Variants in LINGO2 observed in about 807,000 individuals in gnomAD.
LINGO2 encodes leucine-rich repeat and immunoglobulin-like domain-containing nogo receptor-interacting protein 2.
A neutral mutation model predicts 30.6 loss-of-function variants in LINGO2; 14 were observed. The ratio of observed to expected loss-of-function variants is 0.46; its 90% CI spans 0.30 to 0.72. The LOEUF is 0.72. LINGO2 is among the 30% of genes least tolerant of loss of function. The pLI, the probability that LINGO2 is intolerant of heterozygous loss-of-function variation, is 0.07. For missense variants in LINGO2, 729 were observed against 751.7 expected, an observed-to-expected ratio of 0.97 and a Z score of 0.35; for synonymous variants, 317 against 288.5, an observed-to-expected ratio of 1.10 and a Z score of -1.00.
chr9:28,204,703 G>C (rs1376046113), intron 4 of LINGO2, among the ~76,000 whole-genome samples: 1 of 152,112 alleles, frequency 6.6e-6, no homozygotes, highest in Non-Finnish European at 1.5e-5. Flanking sequence ...AGAAGAATTT[G>C]TGTTTTTAAT....
chr9:28,361,987 G>C (rs1431746239), intron 3 of LINGO2, among the ~76,000 whole-genome samples: 2 of 152,072 alleles, frequency 1.3e-5, no homozygotes, highest in Non-Finnish European at 2.9e-5. Context: ...CACCACATAG[G>C]CCATTGTTTC....
At chr9:28,031,602 A>C (rs1823674954) in intron 4 of LINGO2, among the ~76,000 whole-genome samples, 1 of 152,160 alleles carries the variant, frequency 6.6e-6, no homozygotes, top group Non-Finnish European at 1.5e-5. Flanking sequence ...CTCATCTTTA[A>C]AGTGGGGACA....
At chr9:28,497,683 T>C (rs138750927) in intron 1 of LINGO2, among the ~76,000 whole-genome samples, 4,149 of 152,300 alleles carry the variant, frequency 0.027, 196 homozygotes, top group African/African-American at 0.094. Context: ...TCCATCCAGC[T>C]TTGTTCCGTT....
chr9:28,184,360 T>C (rs1391094473), intron 4 of LINGO2, among the ~76,000 whole-genome samples: 2 of 152,214 alleles, frequency 1.3e-5, no homozygotes, highest in Non-Finnish European at 2.9e-5. Flanking sequence ...CAAGTGATAC[T>C]ATGAGGCACA....
chr9:28,621,249 A>G (rs1239875121), intron 1 of LINGO2, among the ~76,000 whole-genome samples: 1 of 152,082 alleles, frequency 6.6e-6, no homozygotes, highest in Non-Finnish European at 1.5e-5. Context: ...GATGATTACC[A>G]CTAACTATAA....
intron 4 of LINGO2, among the ~76,000 whole-genome samples, chr9:28,228,076 T>C (rs1448132018): frequency 3.3e-5 from 5 of 152,058 alleles, no homozygotes; most frequent in African/African-American, 1.2e-4. Flanking sequence ...AATGATTCCA[T>C]CTAATTACAA....
chr9:28,172,365 T>C (rs1161625028), intron 4 of LINGO2, among the ~76,000 whole-genome samples: 1 of 146,978 alleles, frequency 6.8e-6, no homozygotes, highest in East Asian at 2.0e-4. Flanking sequence ...CACTCCAGCC[T>C]GGGCGACAGA....
intron 2 of LINGO2, among the ~76,000 whole-genome samples, chr9:28,422,975 T>C (rs924215097): frequency 1.3e-5 from 2 of 151,934 alleles, no homozygotes; most frequent in Non-Finnish European, 2.9e-5. Flanking sequence ...CCTAGAATAG[T>C]CAAAATCATA....
At chr9:28,200,180 T>A (rs978960692) in intron 4 of LINGO2, among the ~76,000 whole-genome samples, 2 of 152,188 alleles carry the variant, frequency 1.3e-5, no homozygotes, top group Non-Finnish European at 2.9e-5. Context: ...TTTAAGCTAA[T>A]GCAGTTCCTG....
the LINGO2 span, among the ~76,000 whole-genome samples, chr9:29,165,473 T>C: frequency 6.6e-6 from 1 of 152,060 alleles, no homozygotes; most frequent in Non-Finnish European, 1.5e-5. Flanking sequence ...ATACTGAACA[T>C]AATTTAATGA....
At chr9:28,315,779 T>C (rs1207036320) in intron 3 of LINGO2, among the ~76,000 whole-genome samples, 3 of 152,206 alleles carry the variant, frequency 2.0e-5, no homozygotes, top group African/African-American at 4.8e-5. Context: ...TCAAATTTTA[T>C]CGTTTTCTAA....
In LINGO2 at chr9:28,561,530, T is replaced by C. The variant is rs188904156; in HGVS notation, c.-364-85505A>G. Among the ~76,000 whole-genome samples, 169 of 148,130 alleles carry C rather than the reference T, an allele frequency of 1.1e-3. 1 individual carries two copies. Among genetic ancestry groups the C allele is most frequent in the African/African-American group, 3.8e-3 (153 of 40,724 alleles). ...ATTTATTTTAAATATTTTATATCTA[T>C]GCTACTTATACATCAGTAATTGGTT... On this transcript the variant is annotated intron_variant, in intron 1 of 5. Transcript: ENST00000379992.
intron 1 of LINGO2, among the ~76,000 whole-genome samples, chr9:28,487,684 A>AT (rs1193544154): frequency 3.3e-5 from 5 of 152,206 alleles, no homozygotes; most frequent in African/African-American, 4.8e-5. Flanking sequence ...ATAAATCTTG[A>AT]TTTTTTCTGC....
chr9:29,164,182 T>C, the LINGO2 span, among the ~76,000 whole-genome samples: 2 of 151,948 alleles, frequency 1.3e-5, no homozygotes, highest in East Asian at 3.9e-4. Flanking sequence ...AATGTGTCAA[T>C]CATGTGAGTG....
intron 1 of LINGO2, among the ~76,000 whole-genome samples, chr9:28,638,401 C>T (rs1827391854): frequency 6.6e-6 from 1 of 152,112 alleles, no homozygotes; most frequent in Non-Finnish European, 1.5e-5. Flanking sequence ...ATGGTACCAG[C>T]TCCTCCTTGT....
chr9:29,189,137 G>A, the LINGO2 span, among the ~76,000 whole-genome samples: 1 of 139,326 alleles, frequency 7.2e-6, no homozygotes, highest in Non-Finnish European at 1.6e-5. Context: ...GGCTGGCCGG[G>A]CGGGGGGCTG....
intron 1 of LINGO2, among the ~76,000 whole-genome samples, chr9:28,608,699 C>T (rs1247383204): frequency 6.6e-6 from 1 of 151,824 alleles, no homozygotes; most frequent in Non-Finnish European, 1.5e-5. Flanking sequence ...TTCTACATTC[C>T]TTAAGCTAAA....
intron 4 of LINGO2, among the ~76,000 whole-genome samples, chr9:28,215,716 C>T (rs1820743550): frequency 6.6e-6 from 1 of 151,580 alleles, no homozygotes; most frequent in African/African-American, 2.4e-5. Context: ...ATGGTTATGG[C>T]AGCACATAAA....
chr9:28,637,595 A>T (rs1827344844), intron 1 of LINGO2, among the ~76,000 whole-genome samples: 1 of 152,092 alleles, frequency 6.6e-6, no homozygotes, highest in African/African-American at 2.4e-5. Flanking sequence ...TGTGAATGGG[A>T]GTTCACTCAT....
Sources: allele counts gnomAD v4.1 joint callset (sites outside exome capture counted in the v4.1 genomes callset), GRCh38; gene constraint gnomAD v4.1.1; transcripts MANE v1.5; gene names NCBI Gene and HGNC (gene_info 2026-07-23, HGNC 2026-07-21).